Variants in PLAC1 observed in about 807,000 individuals in gnomAD.
PLAC1 encodes the protein placenta associated 1, also known as placenta-specific protein 1.
For synonymous variants in PLAC1, 68 were observed against 62.1 expected (o/e 1.09, Z -0.44); for missense variants, 136 against 163.2 (o/e 0.83, Z 0.91).
At chrX:134,745,100 C>T (rs1364775833) in intron 1 of PLAC1, among the ~76,000 whole-genome samples, 1 of 111,420 alleles carries the variant, frequency 9.0e-6, no homozygotes, top group Non-Finnish European at 1.9e-5. Context: ...ATTCTGTAGC[C>T]CTGGTTCCTT....
upstream of PLAC1, among the ~76,000 whole-genome samples, chrX:134,658,741 G>C (rs746810768): frequency 8.9e-6 from 1 of 111,928 alleles, no homozygotes; most frequent in East Asian, 2.8e-4. Context: ...TCATTCACAG[G>C]AAGAAGGGCG....
intron 2 of PLAC1, among the ~76,000 whole-genome samples, chrX:134,595,078 A>G (rs765695806): frequency 3.3e-4 from 36 of 110,068 alleles, no homozygotes; most frequent in African/African-American, 1.2e-3. Flanking sequence ...ATCCAGTTCA[A>G]TGTATTTTAA....
chrX:134,720,008 G>A (rs2078653251), intron 2 of PLAC1, among the ~76,000 whole-genome samples: 1 of 110,463 alleles, frequency 9.1e-6, no homozygotes, highest in African/African-American at 3.3e-5. Flanking sequence ...GGGCTAAATA[G>A]GCAAGAGAAA....
chrX:134,759,936 G>A (rs1361062303), intron 1 of PLAC1, among the ~76,000 whole-genome samples: 1 of 110,933 alleles, frequency 9.0e-6, no homozygotes, highest in Non-Finnish European at 1.9e-5. Flanking sequence ...GGGTAGGGAG[G>A]AGGATGAAAA....
rs774048807 is a variant in PLAC1 at position 134,664,110 on chromosome X, C to T, written n.175-61988G>A. ...TTTCTCTGGCAGTGGAATTTAGAAA[C>T]CTCTAGAACAGAGGCTCTCAAACTT... On this transcript the variant is annotated intron_variant and non_coding_transcript_variant, in intron 2 of 2. Transcript: ENST00000466797. Among the ~76,000 whole-genome samples the T allele has an allele frequency of 3.6e-5, 4 of 111,634 alleles. No homozygotes were observed. In the South Asian group the frequency reaches 1.5e-3, roughly 42 times the overall value.
intron 1 of PLAC1, among the ~76,000 whole-genome samples, chrX:134,647,841 G>A (rs1021386272): frequency 5.4e-5 from 6 of 111,351 alleles, no homozygotes; most frequent in African/African-American, 2.0e-4. Flanking sequence ...AGGGGAAGAC[G>A]AACCAAACAT....
chrX:134,750,882 A>T (rs1384457165), intron 1 of PLAC1, among the ~76,000 whole-genome samples: 9 of 12,064 alleles, frequency 7.5e-4, no homozygotes, highest in Admixed American at 2.0e-3. Context: ...TATATTTATA[A>T]ATATATATAT....
chrX:134,666,228 G>T (rs1456462454), intron 2 of PLAC1, among the ~76,000 whole-genome samples: 2 of 111,223 alleles, frequency 1.8e-5, no homozygotes, highest in Admixed American at 1.9e-4. Flanking sequence ...ATCGTCAGTT[G>T]CTAGGTAGGG....
chrX:134,567,788 A>G, intron 2 of PLAC1, among the ~76,000 whole-genome samples: 1 of 94,247 alleles, frequency 1.1e-5, no homozygotes, highest in African/African-American at 3.8e-5. Context: ...AAGAAAGAAA[A>G]GAAAGGAAAG....
At chrX:134,710,601 T>C (rs1157454368) in intron 2 of PLAC1, among the ~76,000 whole-genome samples, 1 of 111,894 alleles carries the variant, frequency 8.9e-6, no homozygotes, top group Non-Finnish European at 1.9e-5. Context: ...ATAAATTAAA[T>C]GTGCTGTGGT....
At chrX:134,732,210 C>T (rs1040893405) in intron 2 of PLAC1, among the ~76,000 whole-genome samples, 8 of 111,438 alleles carry the variant, frequency 7.2e-5, no homozygotes, top group African/African-American at 2.6e-4. Flanking sequence ...AAGCTCCAGA[C>T]AGAAATTAAA....
intron 1 of PLAC1, among the ~76,000 whole-genome samples, chrX:134,618,037 G>A (rs2078192962): frequency 8.9e-6 from 1 of 111,852 alleles, no homozygotes; most frequent in South Asian, 3.7e-4. Context: ...CTGGGTCAAA[G>A]CACCGACTGG....
intron 1 of PLAC1, among the ~76,000 whole-genome samples, chrX:134,634,970 T>C (rs567918043): frequency 5.1e-4 from 57 of 111,609 alleles, no homozygotes; most frequent in Middle Eastern, 4.6e-3. Flanking sequence ...TCTGCACCAT[T>C]TTACAGTCCT....
At chrX:134,569,782 GTGTGTT>G (rs1414902946) in intron 2 of PLAC1, among the ~76,000 whole-genome samples, 17 of 100,530 alleles carry the variant, frequency 1.7e-4, no homozygotes, top group African/African-American at 5.8e-4. Flanking sequence ...GTGTGTGTGT[GTGTGTT>G]TGTGTGTGTG....
chrX:134,595,138 G>A (rs916145469), intron 2 of PLAC1, among the ~76,000 whole-genome samples: 1 of 110,660 alleles, frequency 9.0e-6, no homozygotes, highest in Admixed American at 9.8e-5. Flanking sequence ...TTAGAAGAAT[G>A]TTGTTTATTT....
intron 1 of PLAC1, among the ~76,000 whole-genome samples, chrX:134,633,836 G>A (rs1187522386): frequency 9.0e-6 from 1 of 111,415 alleles, no homozygotes; most frequent in Non-Finnish European, 1.9e-5. Flanking sequence ...CCCTGATTTT[G>A]TGCTTGGATT....
chrX:134,730,727 G>A (rs773991371), intron 2 of PLAC1, among the ~76,000 whole-genome samples: 1 of 111,756 alleles, frequency 8.9e-6, no homozygotes, highest in African/African-American at 3.3e-5. Context: ...GGGATTATAA[G>A]CATAAGCCAC....
chrX:134,685,997 C>G (rs1224939276), intron 2 of PLAC1, among the ~76,000 whole-genome samples: 1 of 111,102 alleles, frequency 9.0e-6, no homozygotes, highest in African/African-American at 3.3e-5. Context: ...ATCCACACAG[C>G]CTTGGATTAT....
At chrX:134,609,983 A>T (rs1025947932) in intron 1 of PLAC1, among the ~76,000 whole-genome samples, 10 of 104,655 alleles carry the variant, frequency 9.6e-5, no homozygotes, top group African/African-American at 2.8e-4. Flanking sequence ...AGTGGAAGAA[A>T]TTTTTTTTTT....
Sources: gnomAD v4.1 joint callset for allele counts (sites outside exome capture counted in the v4.1 genomes callset) on GRCh38, gnomAD v4.1.1 for gene constraint, MANE v1.5 for transcripts, NCBI Gene and HGNC (gene_info 2026-07-23, HGNC 2026-07-21) for gene names.